KCND2: variants seen among roughly 807,000 people sequenced by gnomAD.
The protein encoded by KCND2 is A-type voltage-gated potassium channel KCND2.
A neutral mutation model predicts 54.4 loss-of-function variants in KCND2; 16 were observed. That is an observed-to-expected ratio of 0.29 (90% confidence interval 0.20 to 0.45). The LOEUF (loss-of-function observed/expected upper bound fraction) is 0.45. Among genes scored for constraint, KCND2 ranks in the 20% least tolerant of loss-of-function variants. The pLI is 1.00. For missense variants in KCND2, 486 were observed against 824.2 expected (o/e 0.59, Z 5.02); for synonymous variants, 317 against 310.7 (o/e 1.02, Z -0.21).
At chr7:120,741,340 T>A (rs574743804) in intron 2 of KCND2, among the ~76,000 whole-genome samples, 194 bp from the exon 3 acceptor site, 2 of 152,302 alleles carry the variant, frequency 1.3e-5, no homozygotes, top group South Asian at 4.1e-4. Flanking sequence ...GGTAGTTCAT[T>A]GATTTTACTG....
At chr7:120,666,486 A>G (rs1195062650) in intron 1 of KCND2, among the ~76,000 whole-genome samples, 2 of 151,990 alleles carry the variant, frequency 1.3e-5, no homozygotes, top group Non-Finnish European at 2.9e-5. Flanking sequence ...GAGCCACGGA[A>G]TGTAAATGAT....
intron 1 of KCND2, among the ~76,000 whole-genome samples, chr7:120,704,061 A>G (rs1015486209): frequency 6.6e-6 from 1 of 152,206 alleles, no homozygotes; most frequent in African/African-American, 2.4e-5. Flanking sequence ...TGCTAAATTT[A>G]TATTCATTTT....
At chr7:120,372,386 C>T (rs138193891) in intron 1 of KCND2, among the ~76,000 whole-genome samples, 7 of 151,706 alleles carry the variant, frequency 4.6e-5, no homozygotes, top group East Asian at 1.9e-4. Context: ...CTCTCATAAA[C>T]GGTTTCAAAA....
At chr7:120,347,165 T>C (rs1800331195) in intron 1 of KCND2, among the ~76,000 whole-genome samples, 1 of 152,192 alleles carries the variant, frequency 6.6e-6, no homozygotes, top group Admixed American at 6.5e-5. Context: ...TATCTTACTT[T>C]TGTGATCTGT....
At chr7:120,628,772 G>A (rs556766613) in intron 1 of KCND2, among the ~76,000 whole-genome samples, 32 of 152,254 alleles carry the variant, frequency 2.1e-4, no homozygotes, top group Admixed American at 2.0e-3. Context: ...TAAATGGATA[G>A]CACCCCAGGA....
chr7:120,552,612 G>A (rs143603168), intron 1 of KCND2, among the ~76,000 whole-genome samples: 10 of 152,308 alleles, frequency 6.6e-5, no homozygotes, highest in Non-Finnish European at 1.3e-4. Context: ...TGAGAGAAAC[G>A]TAGCAAGGCT....
chr7:120,351,395 C>A (rs1800401375), intron 1 of KCND2, among the ~76,000 whole-genome samples: 1 of 148,916 alleles, frequency 6.7e-6, no homozygotes, highest in Admixed American at 6.7e-5. Flanking sequence ...CACACACACA[C>A]ACACACACAC....
chr7:120,551,095 A>G (rs538062483), intron 1 of KCND2, among the ~76,000 whole-genome samples: 8 of 152,340 alleles, frequency 5.3e-5, no homozygotes, highest in African/African-American at 1.7e-4. Context: ...AGAATTTTAA[A>G]TAAATGCGCA....
intron 1 of KCND2, among the ~76,000 whole-genome samples, chr7:120,465,672 C>CCTGT (rs936859262): frequency 9.0e-5 from 13 of 144,110 alleles, no homozygotes; most frequent in Non-Finnish European, 1.5e-4. Flanking sequence ...GTCAGATAGA[C>CCTGT]CTGTCTGTCT....
chr7:120,365,543 A>G (rs1217752104), intron 1 of KCND2, among the ~76,000 whole-genome samples: 1 of 152,096 alleles, frequency 6.6e-6, no homozygotes, highest in African/African-American at 2.4e-5. Flanking sequence ...ATTTATGTTT[A>G]TTACAGCCAA....
At chr7:120,468,370 C>A (rs1802408655) in intron 1 of KCND2, among the ~76,000 whole-genome samples, 1 of 152,034 alleles carries the variant, frequency 6.6e-6, no homozygotes, top group Non-Finnish European at 1.5e-5. Context: ...ATTTTCTCTA[C>A]AGTGGGTTGG....
At chr7:120,555,690 A>T (rs1331200736) in intron 1 of KCND2, among the ~76,000 whole-genome samples, 2 of 152,230 alleles carry the variant, frequency 1.3e-5, no homozygotes, top group African/African-American at 2.4e-5. Context: ...ATAGGTACAC[A>T]GTGTAAATCA....
intron 1 of KCND2, among the ~76,000 whole-genome samples, chr7:120,336,935 G>A (rs996975113): frequency 6.6e-6 from 1 of 152,056 alleles, no homozygotes; most frequent in Non-Finnish European, 1.5e-5. Flanking sequence ...TCATGGCTTT[G>A]TTTACAACTT....
intron 1 of KCND2, among the ~76,000 whole-genome samples, chr7:120,294,311 C>T (rs151282128): frequency 1.7e-4 from 26 of 151,914 alleles, no homozygotes; most frequent in African/African-American, 6.0e-4. Flanking sequence ...ATATTGAATA[C>T]AAACAGTTGT....
chr7:120,559,624 A>G (rs891690758), intron 1 of KCND2, among the ~76,000 whole-genome samples: 3 of 152,322 alleles, frequency 2.0e-5, no homozygotes, highest in African/African-American at 7.2e-5. Flanking sequence ...GGGAACAGCA[A>G]TTTATACTCA....
At chr7:120,670,074 G>C (rs1312956295) in intron 1 of KCND2, among the ~76,000 whole-genome samples, 1 of 151,998 alleles carries the variant, frequency 6.6e-6, no homozygotes, top group East Asian at 1.9e-4. Context: ...AGGATAAGGG[G>C]TGAACTAAAA....
intron 1 of KCND2, among the ~76,000 whole-genome samples, chr7:120,416,257 G>A (rs1430217476): frequency 1.3e-5 from 2 of 151,934 alleles, no homozygotes; most frequent in African/African-American, 2.4e-5. Flanking sequence ...CAGCTACATT[G>A]GCCTTTAATC....
At chr7:120,494,637 A>G (rs111748618) in intron 1 of KCND2, among the ~76,000 whole-genome samples, 3 of 152,268 alleles carry the variant, frequency 2.0e-5, no homozygotes, top group Admixed American at 6.5e-5. Flanking sequence ...TCTCTATTAA[A>G]TAGCCCTGCT....
chr7:120,295,519 A>G (rs73429980), intron 1 of KCND2, among the ~76,000 whole-genome samples: 3,301 of 152,010 alleles, frequency 0.022, 133 homozygotes, highest in African/African-American at 0.074. Flanking sequence ...GAGGAGTTTC[A>G]CAGAAGGCTT....
Sources: allele counts gnomAD v4.1 joint callset (sites outside exome capture counted in the v4.1 genomes callset), GRCh38; gene constraint gnomAD v4.1.1; transcripts MANE v1.5; gene names NCBI Gene and HGNC (gene_info 2026-07-23, HGNC 2026-07-21).